Variants in PDE4D observed in about 807,000 individuals in gnomAD.
The protein encoded by PDE4D is 3',5'-cyclic-AMP phosphodiesterase 4D.
In PDE4D, 24 loss-of-function variants were observed where a neutral mutation model predicts 87.4. The observed-to-expected ratio is 0.27, with a 90% CI of 0.20 to 0.39. The LOEUF (loss-of-function observed/expected upper bound fraction) is 0.39, where lower values mean the gene tolerates loss of function less well. PDE4D is among the 10% of genes least tolerant of loss of function. The pLI, the probability that PDE4D is intolerant of heterozygous loss-of-function variation, is 1.00. For missense variants in PDE4D, 714 were observed against 1,041.0 expected (o/e 0.69, Z 4.32); for synonymous variants, 384 against 383.2 (o/e 1.00, Z -0.02).
At chr5:60,312,311 T>C (rs895765650) in intron 1 of PDE4D, among the ~76,000 whole-genome samples, 2 of 152,190 alleles carry the variant, frequency 1.3e-5, no homozygotes, top group Admixed American at 1.3e-4. Context: ...AAACAATTCT[T>C]AGCAAGTTCA....
intron 1 of PDE4D, among the ~76,000 whole-genome samples, chr5:59,245,572 C>G (rs1473240806): frequency 6.6e-6 from 1 of 152,062 alleles, no homozygotes; most frequent in East Asian, 1.9e-4. Flanking sequence ...TTCGAAAAAT[C>G]TTACCAAATC....
chr5:60,018,776 A>G lies in PDE4D; in HGVS notation c.43-30059T>C, dbSNP rs539979652. On this transcript the variant is annotated intron_variant, in intron 2 of 16. Coordinates refer to the PDE4D transcript ENST00000502484. ...ACATAATGGTAAAGGGATTAATTCA[A>G]CAAGAAGGGCTAACTATCCTAAATA... 2.0e-5 allele frequency among the ~76,000 whole-genome samples: 3 copies of G among 152,334 alleles called. No homozygotes were observed. The South Asian group carries it at 6.2e-4, about 32-fold the overall frequency.
chr5:59,329,301 T>C (rs1000487100), intron 1 of PDE4D, among the ~76,000 whole-genome samples: 1 of 152,112 alleles, frequency 6.6e-6, no homozygotes, highest in Non-Finnish European at 1.5e-5. Flanking sequence ...ATCAGGGAAA[T>C]ATAGAACAGA....
chr5:59,764,397 G>T (rs1762526202), intron 1 of PDE4D, among the ~76,000 whole-genome samples: 1 of 152,038 alleles, frequency 6.6e-6, no homozygotes, highest in African/African-American at 2.4e-5. Flanking sequence ...CTGACTAACG[G>T]GGAAACTGAA....
At chr5:59,145,848 T>C (rs1778559960) in intron 5 of PDE4D, among the ~76,000 whole-genome samples, 1 of 152,164 alleles carries the variant, frequency 6.6e-6, no homozygotes, top group East Asian at 1.9e-4. Context: ...AAAATCTGGC[T>C]GGGCGCAGTG....
chr5:59,023,476 A>G (rs1284016736), intron 6 of PDE4D, among the ~76,000 whole-genome samples: 1 of 151,850 alleles, frequency 6.6e-6, no homozygotes, highest in Non-Finnish European at 1.5e-5. Flanking sequence ...ACAAAAAAAA[A>G]AAAAAAAAGT....
intron 2 of PDE4D, among the ~76,000 whole-genome samples, chr5:60,102,664 G>A (rs1582658985): frequency 6.6e-6 from 1 of 152,084 alleles, no homozygotes; most frequent in East Asian, 1.9e-4. Context: ...CAAAAAGAAA[G>A]GATAGAGATT....
intron 1 of PDE4D, among the ~76,000 whole-genome samples, chr5:59,299,854 A>T (rs1264416885): frequency 6.6e-6 from 1 of 152,212 alleles, no homozygotes; most frequent in Non-Finnish European, 1.5e-5. Flanking sequence ...TCACGCCTTT[A>T]ATCCCAGCAC....
At chr5:60,208,541 C>A (rs1175649774) in intron 1 of PDE4D, among the ~76,000 whole-genome samples, 1 of 152,124 alleles carries the variant, frequency 6.6e-6, no homozygotes, top group African/African-American at 2.4e-5. Context: ...GACAATGGCT[C>A]CCCCTTAGAG....
At chr5:60,512,806 C>T (rs1044241682) in intron 1 of PDE4D, among the ~76,000 whole-genome samples, 6 of 152,068 alleles carry the variant, frequency 3.9e-5, no homozygotes, top group Non-Finnish European at 7.4e-5. Context: ...ATGATCGCAG[C>T]TGGGAAACTG....
chr5:60,106,449 C>A (rs1450071359), intron 2 of PDE4D, among the ~76,000 whole-genome samples: 1 of 151,906 alleles, frequency 6.6e-6, no homozygotes, highest in East Asian at 1.9e-4. Context: ...GACAGATCAA[C>A]GAGACAGAAA....
At chr5:59,542,252 T>C (rs291119) in intron 1 of PDE4D, among the ~76,000 whole-genome samples, 4,354 of 152,130 alleles carry the variant, frequency 0.029, 79 homozygotes, top group East Asian at 0.1. Flanking sequence ...ACCCAAATCC[T>C]GGCAAGGTAT....
intron 1 of PDE4D, among the ~76,000 whole-genome samples, chr5:59,309,982 G>A (rs987996971): frequency 6.6e-6 from 1 of 152,104 alleles, no homozygotes; most frequent in Non-Finnish European, 1.5e-5. Flanking sequence ...TTCTCTTGCT[G>A]TCTCACTCAC....
At chr5:59,757,174 A>T (rs1490058852) in intron 1 of PDE4D, among the ~76,000 whole-genome samples, 1 of 152,208 alleles carries the variant, frequency 6.6e-6, no homozygotes. Flanking sequence ...AGCATAACAT[A>T]GAAAATGACA....
intron 1 of PDE4D, among the ~76,000 whole-genome samples, chr5:59,298,007 G>T (rs1327488682): frequency 1.3e-5 from 2 of 152,020 alleles, no homozygotes; most frequent in Admixed American, 1.3e-4. Context: ...GTTCCCTTGG[G>T]GTTGGTAGGA....
chr5:60,512,451 T>G (rs892618780), intron 1 of PDE4D, among the ~76,000 whole-genome samples: 2 of 152,170 alleles, frequency 1.3e-5, no homozygotes, highest in Non-Finnish European at 2.9e-5. Flanking sequence ...AATCTGCAGA[T>G]GTAAAAATAC....
chr5:59,749,888 C>G (rs1760172870), intron 1 of PDE4D, among the ~76,000 whole-genome samples: 1 of 152,042 alleles, frequency 6.6e-6, no homozygotes, highest in Non-Finnish European at 1.5e-5. Flanking sequence ...TTTTTTAAAA[C>G]TAAACTCCTG....
At chr5:59,939,131 G>A (rs1054040043) in intron 3 of PDE4D, among the ~76,000 whole-genome samples, 2 of 152,172 alleles carry the variant, frequency 1.3e-5, no homozygotes, top group Non-Finnish European at 2.9e-5. Flanking sequence ...ATAAAGATGA[G>A]GTAGGGCGGA....
intron 1 of PDE4D, among the ~76,000 whole-genome samples, chr5:59,577,783 C>T (rs1475428390): frequency 1.3e-5 from 2 of 152,104 alleles, no homozygotes; most frequent in Non-Finnish European, 2.9e-5. Context: ...GCTAAAGTCA[C>T]AGTATCCTCC....
Sources: gnomAD v4.1 joint callset for allele counts (sites outside exome capture counted in the v4.1 genomes callset) on GRCh38, gnomAD v4.1.1 for gene constraint, MANE v1.5 for transcripts, NCBI Gene and HGNC (gene_info 2026-07-23, HGNC 2026-07-21) for gene names.